Variants in DYRK2 observed in about 807,000 individuals in gnomAD.
The protein encoded by DYRK2 is dual specificity tyrosine phosphorylation regulated kinase 2, also known as dual specificity tyrosine-phosphorylation-regulated kinase 2.
In DYRK2, 12 loss-of-function variants were observed where a neutral mutation model predicts 41.6. That is an observed-to-expected ratio of 0.29 (90% CI 0.18 to 0.47). The LOEUF (loss-of-function observed/expected upper bound fraction) is 0.47. DYRK2 is among the 20% of genes least tolerant of loss of function. The pLI is 1.00. For synonymous variants in DYRK2, 322 were observed against 315.7 expected, an observed-to-expected ratio of 1.02 and a Z score of -0.21; for missense variants, 678 against 798.4, an observed-to-expected ratio of 0.85 and a Z score of 1.82.
chr12:67,653,301 C>T (rs955690315), intron 2 of DYRK2, among the ~76,000 whole-genome samples: 1 of 152,052 alleles, frequency 6.6e-6, no homozygotes, highest in African/African-American at 2.4e-5. Flanking sequence ...ATTTCTAGTC[C>T]CTCAGCACCC....
At chr12:67,652,616 A>G (rs1224932514) in intron 2 of DYRK2, 5 of 152,178 alleles carry the variant, frequency 3.3e-5, no homozygotes, top group Non-Finnish European at 7.3e-5. Flanking sequence ...AAAAGTTTTT[A>G]AACGCCCAAG....
At chr12:67,653,792 G>A (rs1872392319) in intron 2 of DYRK2, among the ~76,000 whole-genome samples, 1 of 152,160 alleles carries the variant, frequency 6.6e-6, no homozygotes, top group Non-Finnish European at 1.5e-5. Context: ...TATATGCCTG[G>A]GTTTATGTTA....
chr12:67,653,671 T>C (rs1282881317), intron 2 of DYRK2, among the ~76,000 whole-genome samples: 1 of 152,214 alleles, frequency 6.6e-6, no homozygotes, highest in Non-Finnish European at 1.5e-5. Flanking sequence ...TGTTTCCTTA[T>C]GAAGGTACAC....
intron 2 of DYRK2, chr12:67,651,704 T>C (rs1005127880): frequency 1.3e-5 from 6 of 447,678 alleles, no homozygotes; most frequent in African/African-American, 1.0e-4. Context: ...ATTTTATTTC[T>C]ATAACATAGC....
chr12:67,661,758 T>C lies in DYRK2; in HGVS notation c.*3045T>C, dbSNP rs994238056. The C allele has an allele frequency of 6.0e-6, 1 of 166,968 alleles. No individual in the cohort carries two copies. The highest frequency in any genetic ancestry group is 1.5e-5 in the Non-Finnish European group (1 of 68,106). 10.3% of individuals were successfully genotyped at this position (166,968 alleles called of 1,614,324 possible). A position where few individuals can be genotyped will look rare whatever the true frequency, so the allele number is the denominator to read the frequency against. The stretch of plus-strand genomic sequence containing the variant: ...CTTCCTATATTTAAGGGGTTAAAGA[T>C]GGTCTTTGTTGTATCTTAACATCAG... On this transcript the variant is annotated 3_prime_UTR_variant, in exon 3 of 3. Coordinates refer to ENST00000344096, the MANE Select transcript of DYRK2 (RefSeq NM_006482.3).
chr12:67,658,540 G>T lies in DYRK2; in HGVS notation c.1633G>T (p.Gly545Trp), dbSNP rs753467166. Residue 545 changes from glycine to tryptophan, a missense_variant, in exon 3 of 3, where the codon GGG (glycine) becomes TGG (tryptophan). Gly to Trp is a radical substitution (Grantham distance 184). This residue lies in a region of DYRK2 where 393 missense variants were observed against 519.1 expected (regional missense o/e 0.76). Transcript: ENST00000344096. This position sits in a 1 kb window ranked among gnomAD's most constrained non-coding sequence, Gnocchi z 4.3. ...GAGGCGGTTGCCAAAGCCTCCCACCGGGGAGAAAACGTCAGTGAAAAGGAT... is the reference window on the plus strand; with the variant it reads ...GAGGCGGTTGCCAAAGCCTCCCACCTGGGAGAAAACGTCAGTGAAAAGGAT... ...LRRRLPKPPTGEKTSVKRITE... is the reference protein window; with the variant it reads ...LRRRLPKPPTWEKTSVKRITE... 1.2e-6 allele frequency: 2 copies of T among 1,613,926 alleles called. No individual in the cohort carries two copies. The highest frequency in any genetic ancestry group is 1.7e-6 in the Non-Finnish European group (2 of 1,179,900).
In DYRK2 at chr12:67,662,617, GT is replaced by G. The variant is rs547128268; in HGVS notation, c.*3906del. On this transcript the variant is annotated 3_prime_UTR_variant, in exon 3 of 3. Transcript: ENST00000344096. ...TAGTGAATATCTGTTAAATTTTATT[GT>G]TGTGGCCAGAGATAATTTCAGAATA... The G allele has an allele frequency of 7.8e-5, 13 of 166,736 alleles. No individual in the cohort carries two copies. The highest frequency in any genetic ancestry group is 3.1e-4 in the African/African-American group (13 of 41,534). The allele number at this position is 166,736 out of a possible 1,614,324, so 10.3% of individuals were successfully genotyped here. A position where few individuals can be genotyped will look rare whatever the true frequency, so the allele number is the denominator to read the frequency against.
Position 67,658,192 on chromosome 12 carries a change from G to A in DYRK2, c.1285G>A (p.Asp429Asn). The change falls in exon 3 of 3, where the codon GAC (aspartate) becomes AAC (asparagine). Residue 429 changes from aspartate to asparagine, a missense_variant. By Grantham distance (23) the Asp-to-Asn change is conservative (BLOSUM62 1). This residue lies in a region of DYRK2 where 393 missense variants were observed against 519.1 expected (regional missense o/e 0.76). Coordinates refer to ENST00000344096, the MANE Select transcript of DYRK2 (RefSeq NM_006482.3). This position sits in a 1 kb window ranked among gnomAD's most constrained non-coding sequence, Gnocchi z 4.3. ...CCTCTTGCCTGGGGAAGATGAAGGG[G>A]ACCAGCTGGCCTGTATGATTGAACT... ...YPLLPGEDEG[D>N]QLACMIELLG... 1 of 1,614,186 alleles carries A rather than the reference G, an allele frequency of 6.2e-7. No homozygotes were observed. Among genetic ancestry groups the A allele is most frequent in the Non-Finnish European group, 8.5e-7 (1 of 1,180,044 alleles).
At position 67,657,775 on chromosome 12, in the gene DYRK2, A is replaced by G. The variant is rs1402440118; in HGVS notation, c.868A>G (p.Asn290Asp). The change falls in exon 3 of 3, where the codon AAT (asparagine) becomes GAT (aspartate). Residue 290 changes from asparagine (N) to aspartate (D), a missense_variant. Physicochemically the swap from Asn to Asp is conservative, Grantham distance 23. Coordinates refer to ENST00000344096, the MANE Select transcript of DYRK2 (RefSeq NM_006482.3). This position sits in a 1 kb window ranked among gnomAD's most constrained non-coding sequence, Gnocchi z 4.8. Reference protein sequence around the residue: ...NTMNVIHMLENFTFRNHICMT... With the variant: ...NTMNVIHMLEDFTFRNHICMT... ...AATGAATGTCATCCATATGCTGGAG[A>G]ATTTCACCTTCCGCAACCACATCTG... 1.2e-6 allele frequency: 2 copies of G among 1,614,082 alleles called. No individual in the cohort carries two copies. Among genetic ancestry groups the G allele is most frequent in the Admixed American group, 1.7e-5 (1 of 60,012 alleles).
chr12:67,649,046 G>A lies in DYRK2; in HGVS notation c.-88G>A, dbSNP rs1872220328. ...CCGGGGACCCGCGCGAGGGGCGGCCGGGAGGCGGCGGCGGCGGCCGCCAGA... is the reference window on the plus strand; with the variant it reads ...CCGGGGACCCGCGCGAGGGGCGGCCAGGAGGCGGCGGCGGCGGCCGCCAGA... On this transcript the variant is annotated 5_prime_UTR_variant, in exon 1 of 3. Coordinates refer to ENST00000344096, the MANE Select transcript of DYRK2 (RefSeq NM_006482.3). 8.3e-7 allele frequency: 1 copy of A among 1,198,994 alleles called. No homozygotes were observed. 74.3% of individuals were successfully genotyped at this position (1,198,994 alleles called of 1,614,324 possible).
rs769328071 is a variant in DYRK2 at position 67,664,676 on chromosome 12, G to C, written c.*5963G>C. On this transcript the variant is annotated 3_prime_UTR_variant, in exon 3 of 3. Coordinates refer to ENST00000344096, the MANE Select transcript of DYRK2 (RefSeq NM_006482.3). ...ACATAAAACACAAAAGTTTAGAAAG[G>C]GGGGGAAGTTGAGCTAGCAATGGGC... The C allele has an allele frequency of 3.3e-5, 5 of 151,710 alleles. No individual in the cohort carries two copies. Among genetic ancestry groups the C allele is most frequent in the East Asian group, 3.9e-4 (2 of 5,188 alleles). 9.4% of individuals were successfully genotyped at this position (151,710 alleles called of 1,614,324 possible).
In DYRK2 at chr12:67,658,778, A is replaced by G; in HGVS notation, c.*65A>G. 2 of 1,513,230 alleles carry G rather than the reference A, an allele frequency of 1.3e-6. No individual in the cohort carries two copies. Among genetic ancestry groups the G allele is most frequent in the Non-Finnish European group, 1.8e-6 (2 of 1,126,906 alleles). 93.7% of individuals were successfully genotyped at this position (1,513,230 alleles called of 1,614,324 possible). A position where few individuals can be genotyped will look rare whatever the true frequency, so the allele number is the denominator to read the frequency against. On this transcript the variant is annotated 3_prime_UTR_variant, in exon 3 of 3. Coordinates refer to ENST00000344096, the MANE Select transcript of DYRK2 (RefSeq NM_006482.3). This position sits in a 1 kb window ranked among gnomAD's most constrained non-coding sequence, Gnocchi z 4.3. ...ATTGCTGAGCCTTACTGGGTTGAAA[A>G]GGAGTAGCTCAGACCTGTTTTTATT...
rs1388546829 is a variant in DYRK2 at position 67,648,756 on chromosome 12, C to G, written c.-378C>G. The G allele has an allele frequency of 6.8e-6, 1 of 146,872 alleles. No homozygotes were observed. The highest frequency in any genetic ancestry group is 2.1e-4 in the East Asian group (1 of 4,872). The allele number at this position is 146,872 out of a possible 1,614,324, so 9.1% of individuals were successfully genotyped here. A position where few individuals can be genotyped will look rare whatever the true frequency, so the allele number is the denominator to read the frequency against. On this transcript the variant is annotated 5_prime_UTR_variant, in exon 1 of 3. Coordinates refer to ENST00000344096, the MANE Select transcript of DYRK2 (RefSeq NM_006482.3). ...GCGCGGGGGCGCGCGCGCGCGGGCC[C>G]GGGAGAGGCTCCCGAGCCAGGCGGT...
At position 67,663,353 on chromosome 12, in the gene DYRK2, A is replaced by G. The variant is rs1872671518; in HGVS notation, c.*4640A>G. The G allele has an allele frequency of 1.3e-5, 2 of 152,146 alleles. No homozygotes were observed. The highest frequency in any genetic ancestry group is 6.6e-5 in the Admixed American group (1 of 15,266). 9.4% of individuals were successfully genotyped at this position (152,146 alleles called of 1,614,324 possible). A position where few individuals can be genotyped will look rare whatever the true frequency, so the allele number is the denominator to read the frequency against. On this transcript the variant is annotated 3_prime_UTR_variant, in exon 3 of 3. Transcript: ENST00000344096. Reference sequence around the variant, plus strand: ...GTAATTCGTCAGACATTGCAGGGATATTGTGTAGTCAGATATTACCCTCTT... The same window carrying G: ...GTAATTCGTCAGACATTGCAGGGATGTTGTGTAGTCAGATATTACCCTCTT...
At position 67,657,371 on chromosome 12, in the gene DYRK2, C is replaced by T; in HGVS notation, c.464C>T (p.Thr155Ile). Residue 155 changes from threonine to isoleucine, a missense_variant, in exon 3 of 3, where the codon ACA (threonine) becomes ATA (isoleucine). Transcript: ENST00000344096. The surrounding 1 kb of genome is among the most constrained non-coding windows in gnomAD (Gnocchi z 4.8). ...GGGAAGGTGAAAGCCACCCCCATGACACCTGAACAAGCAATGAAGCAATAC... is the reference window on the plus strand; with the variant it reads ...GGGAAGGTGAAAGCCACCCCCATGATACCTGAACAAGCAATGAAGCAATAC... ...GMGKVKATPM[T>I]PEQAMKQYMQ... The T allele has an allele frequency of 6.2e-7, 1 of 1,614,130 alleles. No homozygotes were observed. The highest frequency in any genetic ancestry group is 1.6e-4 in the Middle Eastern group (1 of 6,062).
At chr12:67,651,665 ATT>A (rs1360807803) in intron 2 of DYRK2, 1 of 454,952 alleles carries the variant, frequency 2.2e-6, no homozygotes, top group South Asian at 1.6e-5. Context: ...GAAGGTGTGA[ATT>A]TGGGTTTCGA....
intron 2 of DYRK2, chr12:67,652,674 A>G (rs978710673): frequency 2.6e-5 from 4 of 152,228 alleles, no homozygotes; most frequent in Non-Finnish European, 5.9e-5. Context: ...TCTTATTGGA[A>G]GAAATGAAAA....
At chr12:67,656,967 A>G (rs1468208267) in intron 2 of DYRK2, 139 bp from the exon 3 acceptor site, 7 of 862,094 alleles carry the variant, frequency 8.1e-6, no homozygotes, top group East Asian at 2.9e-5. Flanking sequence ...TCAGGATCAC[A>G]TGTTTTGTGG....
In DYRK2 at chr12:67,665,030, T is replaced by C. The variant is rs1312283825; in HGVS notation, c.*6317T>C. The C allele has an allele frequency of 6.6e-6, 1 of 152,206 alleles. No individual in the cohort carries two copies. Among genetic ancestry groups the C allele is most frequent in the Non-Finnish European group, 1.5e-5 (1 of 68,026 alleles). The allele number at this position is 152,206 out of a possible 1,614,324, so 9.4% of individuals were successfully genotyped here. On this transcript the variant is annotated 3_prime_UTR_variant, in exon 3 of 3. Transcript: ENST00000344096. ...TAGCAGCAGGTAAATCTCTTAAATT[T>C]ACTCAGGTTTCCTATCCTTTGCCTC... is the stretch of plus-strand genomic sequence containing the variant.
Sources: allele counts gnomAD v4.1 joint callset (sites outside exome capture counted in the v4.1 genomes callset), GRCh38; gene constraint gnomAD v4.1.1; regional missense constraint gnomAD v4.1.1; non-coding constraint Gnocchi (gnomAD v3.1); transcripts MANE v1.5; gene names NCBI Gene and HGNC (gene_info 2026-07-23, HGNC 2026-07-21).